The following CTNNA2 variants were observed in gnomAD, a reference collection of about 807,000 sequenced individuals.
The protein encoded by CTNNA2 is catenin alpha 2, also known as catenin alpha-2.
In CTNNA2, 42 loss-of-function variants were observed where a neutral mutation model predicts 101.0. The observed-to-expected ratio is 0.42, with a 90% confidence interval of 0.32 to 0.54. The LOEUF (loss-of-function observed/expected upper bound fraction) is 0.54. Ranked by LOEUF, CTNNA2 falls within the 20% of genes least tolerant of loss-of-function variation. The pLI is 0.14. For synonymous variants in CTNNA2, 450 were observed against 456.4 expected (o/e 0.99, Z 0.18); for missense variants, 871 against 1,223.1 (o/e 0.71, Z 4.29).
chr2:80,222,954 T>C (rs1183745811), intron 7 of CTNNA2, among the ~76,000 whole-genome samples: 1 of 152,226 alleles, frequency 6.6e-6, no homozygotes, highest in African/African-American at 2.4e-5. Flanking sequence ...GACTGTGGAC[T>C]TCTCCTAATT....
intron 3 of CTNNA2, among the ~76,000 whole-genome samples, chr2:79,350,978 T>C (rs545840924): frequency 6.6e-6 from 1 of 152,222 alleles, no homozygotes; most frequent in African/African-American, 2.4e-5. Context: ...CACTTGTTAA[T>C]GTTTTTGTTT....
At chr2:79,375,610 G>A (rs1448915926) in intron 4 of CTNNA2, among the ~76,000 whole-genome samples, 1 of 152,068 alleles carries the variant, frequency 6.6e-6, no homozygotes, top group East Asian at 1.9e-4. Context: ...AAATAGGCCT[G>A]TTAAAAATAC....
intron 5 of CTNNA2, among the ~76,000 whole-genome samples, chr2:79,506,519 A>T (rs1350315680): frequency 6.6e-6 from 1 of 152,142 alleles, no homozygotes; most frequent in Non-Finnish European, 1.5e-5. Flanking sequence ...TTATACTCAG[A>T]ACCTCAAAAT....
chr2:80,383,785 T>A (rs1045948541), intron 7 of CTNNA2, among the ~76,000 whole-genome samples: 10 of 151,670 alleles, frequency 6.6e-5, no homozygotes, highest in East Asian at 1.9e-4. Flanking sequence ...AAAAAAAAAA[T>A]TACCATTCAA....
chr2:79,353,648 G>A (rs1396631708), intron 3 of CTNNA2, among the ~76,000 whole-genome samples: 1 of 152,024 alleles, frequency 6.6e-6, no homozygotes, highest in East Asian at 1.9e-4. Flanking sequence ...AATTTAAGTG[G>A]GATATTTGGA....
chr2:80,605,090 T>G (rs1373426578), intron 16 of CTNNA2: 1 of 152,016 alleles, frequency 6.6e-6, no homozygotes, highest in East Asian at 1.9e-4. Context: ...GCATCAGAGA[T>G]AAATGAAATT....
intron 7 of CTNNA2, among the ~76,000 whole-genome samples, chr2:80,275,727 AG>A (rs1673850779): frequency 6.6e-6 from 1 of 152,278 alleles, no homozygotes; most frequent in Admixed American, 6.5e-5. Context: ...AGAGAGAGAG[AG>A]AGAATAAATG....
intron 11 of CTNNA2, among the ~76,000 whole-genome samples, chr2:80,546,947 C>A (rs1024495682): frequency 2.6e-5 from 4 of 152,174 alleles, no homozygotes; most frequent in African/African-American, 9.7e-5. Flanking sequence ...GGAACTCACA[C>A]CTACTGACTC....
intron 7 of CTNNA2, among the ~76,000 whole-genome samples, chr2:80,213,790 A>T (rs1447432558): frequency 6.6e-6 from 1 of 152,124 alleles, no homozygotes; most frequent in Non-Finnish European, 1.5e-5. Context: ...TGTCTTGTTG[A>T]TCTGTCTAAT....
chr2:80,304,907 CAAAAAAA>C (rs56174873), intron 7 of CTNNA2, among the ~76,000 whole-genome samples: 25 of 73,820 alleles, frequency 3.4e-4, no homozygotes, highest in African/African-American at 4.8e-4. Context: ...GTCCATATTT[CAAAAAAA>C]AAAAAAAAAA....
rs80051682 is a variant in CTNNA2, at chr2:80,068,491, A to G, written c.1056+158694A>G. Among the ~76,000 whole-genome samples the G allele has an allele frequency of 6.9e-3, 1,049 of 152,286 alleles. 10 individuals are homozygous for G. The highest frequency in any genetic ancestry group is 0.024 in the African/African-American group (977 of 41,556). On this transcript the variant is annotated intron_variant, in intron 7 of 18. Coordinates refer to ENST00000402739, the MANE Select transcript of CTNNA2 (RefSeq NM_001282597.3). ...TTGCAACTCCTTGCACATTGCATGA[A>G]TTTTTTTAAATCCTGTCACGCTTTG...
intron 7 of CTNNA2, among the ~76,000 whole-genome samples, chr2:80,297,585 G>C (rs1675858577): frequency 6.6e-6 from 1 of 152,150 alleles, no homozygotes; most frequent in East Asian, 1.9e-4. Context: ...GCAAGGCCAG[G>C]AGATGGTGCC....
At chr2:79,471,169 T>C (rs768747405) in intron 4 of CTNNA2, among the ~76,000 whole-genome samples, 1 of 152,136 alleles carries the variant, frequency 6.6e-6, no homozygotes, top group Non-Finnish European at 1.5e-5. Flanking sequence ...GGCAGACTCG[T>C]CCACATTTAT....
chr2:79,774,084 ATTTGCCTTAACT>A (rs1673788639), intron 3 of CTNNA2, among the ~76,000 whole-genome samples: 2 of 152,276 alleles, frequency 1.3e-5, no homozygotes, highest in East Asian at 3.9e-4. Context: ...CTGTCTTAAC[ATTTGCCTTAACT>A]AACAAACTGG....
At chr2:79,679,515 C>G (rs550382338) in intron 2 of CTNNA2, among the ~76,000 whole-genome samples, 7 of 152,020 alleles carry the variant, frequency 4.6e-5, no homozygotes, top group Non-Finnish European at 7.4e-5. Flanking sequence ...CTGCCCTGTT[C>G]CCATTGCAGC....
At chr2:80,607,409 T>C (rs566214435) in intron 16 of CTNNA2, among the ~76,000 whole-genome samples, 1 of 151,956 alleles carries the variant, frequency 6.6e-6, no homozygotes, top group East Asian at 2.0e-4. Flanking sequence ...TGTCAATGTC[T>C]CTAGAAGTGT....
At chr2:80,496,526 G>C (rs1687489048) in intron 9 of CTNNA2, among the ~76,000 whole-genome samples, 1 of 151,428 alleles carries the variant, frequency 6.6e-6, no homozygotes, top group Non-Finnish European at 1.5e-5. Context: ...TAGCTAGCTA[G>C]CTATATGACT....
At chr2:80,359,272 T>C (rs950395625) in intron 7 of CTNNA2, among the ~76,000 whole-genome samples, 7 of 152,194 alleles carry the variant, frequency 4.6e-5, no homozygotes, top group Non-Finnish European at 1.0e-4. Context: ...TGGATTGATA[T>C]CATTATTAAA....
chr2:80,150,124 G>C (rs1161432900), intron 7 of CTNNA2, among the ~76,000 whole-genome samples: 1 of 152,030 alleles, frequency 6.6e-6, no homozygotes. Flanking sequence ...TTTCTGAGAT[G>C]GTCACGCCTG....
Sources: allele counts gnomAD v4.1 joint callset (sites outside exome capture counted in the v4.1 genomes callset), GRCh38; gene constraint gnomAD v4.1.1; transcripts MANE v1.5; gene names NCBI Gene and HGNC (gene_info 2026-07-23, HGNC 2026-07-21).